Variants in ATR observed in about 807,000 individuals in gnomAD.
ATR encodes serine/threonine-protein kinase ATR.
A neutral mutation model predicts 305.3 loss-of-function variants in ATR; 142 were observed. That is an observed-to-expected ratio of 0.47 (90% CI 0.41 to 0.53). The LOEUF (loss-of-function observed/expected upper bound fraction) is 0.53. Among genes scored for constraint, ATR ranks in the 20% least tolerant of loss-of-function variants. ATR has a pLI of 0.00. For missense variants in ATR, 2,135 were observed against 3,133.1 expected, an observed-to-expected ratio of 0.68 and a Z score of 7.60; for synonymous variants, 1,050 against 1,068.1, an observed-to-expected ratio of 0.98 and a Z score of 0.33.
chr3:142,536,003 T>C (rs868623767), intron 20 of ATR, 105 bp downstream of exon 20: 18 of 816,356 alleles, frequency 2.2e-5, no homozygotes, highest in African/African-American at 1.5e-4. Context: ...AATAGGACTA[T>C]ATTATCCCTA....
At chr3:142,515,791 C>A (rs534407672) in intron 24 of ATR, among the ~76,000 whole-genome samples, 1 of 152,260 alleles carries the variant, frequency 6.6e-6, no homozygotes, top group African/African-American at 2.4e-5. Context: ...TCAAGCCACC[C>A]AGGTATACTA....
At position 142,550,193 on chromosome 3, in the gene ATR, A is replaced by C; in HGVS notation, c.2915T>G (p.Leu972Ter). The part of the protein sequence containing the change: ...QDVAHQREMA[L>*]NTLSEIANVF... ...GTTGGCAATTTCAGACAACGTATTT[A>C]AAGCCATTTCTCTCTGGTGAGCCAC... The change falls in exon 14 of 47, where the codon TTA becomes TGA. Residue 972 changes from leucine to a stop codon, truncating the protein, a stop_gained. Transcript: ENST00000350721. LOFTEE classifies it high-confidence loss of function. The C allele has an allele frequency of 6.2e-7, 1 of 1,614,200 alleles. No homozygotes were observed. Among genetic ancestry groups the C allele is most frequent in the Non-Finnish European group, 8.5e-7 (1 of 1,180,022 alleles).
intron 28 of ATR, 125 bp from the exon 29 acceptor site, chr3:142,505,428 A>T: frequency 8.7e-7 from 1 of 1,155,014 alleles, no homozygotes; most frequent in Non-Finnish European, 1.2e-6. Flanking sequence ...AAGTAATAGT[A>T]AGCATTTGTT....
intron 39 of ATR, among the ~76,000 whole-genome samples, chr3:142,467,631 T>C (rs991212633): frequency 6.6e-6 from 1 of 152,184 alleles, no homozygotes; most frequent in Non-Finnish European, 1.5e-5. Context: ...TATATTTTTA[T>C]GGCTTATTTC....
intron 33 of ATR, 87 bp downstream of exon 33, chr3:142,496,926 A>T: frequency 6.9e-7 from 1 of 1,438,886 alleles, no homozygotes. Flanking sequence ...TTCAGACAGA[A>T]AATTAAGAAA....
chr3:142,510,188 T>C (rs188936894), intron 27 of ATR, among the ~76,000 whole-genome samples: 4 of 152,018 alleles, frequency 2.6e-5, no homozygotes, highest in East Asian at 3.9e-4. Context: ...CAGTACCATT[T>C]TGACATGCAG....
rs539100929 is a variant in ATR, at chr3:142,475,328, T to A, written c.6222-5145A>T. On this transcript the variant is annotated intron_variant, in intron 36 of 46. Transcript: ENST00000350721. Reference sequence around the variant, plus strand: ...GTGTTCTCATTGTTCAATTCCCAGCTATGAATGAGAACATGCGGTGTTTGG... The same window carrying A: ...GTGTTCTCATTGTTCAATTCCCAGCAATGAATGAGAACATGCGGTGTTTGG... 1.6e-3 allele frequency among the ~76,000 whole-genome samples: 239 copies of A among 152,228 alleles called. 2 individuals carry two copies. Among genetic ancestry groups the A allele is most frequent in the Non-Finnish European group, 2.9e-3 (199 of 68,028 alleles).
intron 30 of ATR, among the ~76,000 whole-genome samples, chr3:142,501,217 A>G (rs530374580): frequency 6.6e-6 from 1 of 152,324 alleles, no homozygotes; most frequent in East Asian, 1.9e-4. Context: ...CCAGACCCAA[A>G]GAGAAGAAAA....
chr3:142,504,067 A>G (rs1248242380), intron 29 of ATR, among the ~76,000 whole-genome samples: 1 of 152,244 alleles, frequency 6.6e-6, no homozygotes, highest in Non-Finnish European at 1.5e-5. Context: ...GAATTTATAT[A>G]TTGTGCTTCT....
At chr3:142,478,316 T>C (rs1452430721) in intron 36 of ATR, among the ~76,000 whole-genome samples, 1 of 152,128 alleles carries the variant, frequency 6.6e-6, no homozygotes. Context: ...TTTCAAAGAA[T>C]ATCTTTATTT....
chr3:142,566,833 T>C (rs2035091970), intron 2 of ATR, among the ~76,000 whole-genome samples: 1 of 151,776 alleles, frequency 6.6e-6, no homozygotes, highest in Non-Finnish European at 1.5e-5. Flanking sequence ...AACCTGTGCC[T>C]CCGGGGTACA....
chr3:142,519,925 T>C, intron 23 of ATR, 141 bp from the exon 24 acceptor site: 1 of 708,576 alleles, frequency 1.4e-6, no homozygotes, highest in South Asian at 1.7e-5. Context: ...GCTTCATGGA[T>C]GCTGTTTTTT....
chr3:142,576,190 G>A (rs1368288704), intron 1 of ATR, among the ~76,000 whole-genome samples: 1 of 152,096 alleles, frequency 6.6e-6, no homozygotes, highest in African/African-American at 2.4e-5. Context: ...TAAGCGACAA[G>A]GGAAAAAAAC....
chr3:142,525,680 G>A (rs1034656625), intron 21 of ATR, among the ~76,000 whole-genome samples: 8 of 152,140 alleles, frequency 5.3e-5, no homozygotes, highest in Non-Finnish European at 1.0e-4. Context: ...TAATAAGTGA[G>A]TTCTTTCTCT....
chr3:142,475,587 A>T (rs1227094592), intron 36 of ATR, among the ~76,000 whole-genome samples: 1 of 152,210 alleles, frequency 6.6e-6, no homozygotes, highest in Non-Finnish European at 1.5e-5. Flanking sequence ...TAGCAGCATG[A>T]TTTATATTCC....
chr3:142,519,794 C>G lies in ATR; in HGVS notation c.4267-10G>C. 6.5e-7 allele frequency: 1 copy of G among 1,546,508 alleles called. No homozygotes were observed. The highest frequency in any genetic ancestry group is 8.9e-7 in the Non-Finnish European group (1 of 1,118,508). ...AAATAGAAAGCAACTCCTACAAATA[C>G]ATATTTTACATTTGTAAGTCCACAG... On this transcript the variant is annotated splice_polypyrimidine_tract_variant and intron_variant, in intron 23 of 46. Coordinates refer to ENST00000350721, the MANE Select transcript of ATR (RefSeq NM_001184.4).
At position 142,562,790 on chromosome 3, in the gene ATR, A is replaced by G; in HGVS notation, c.612T>C (p.Phe204=). ...GAACCATTAATAAAGTGACTTCAAT[A>G]AATTCTAAATTTTGCATACTCATCA... ...LQLMSMQNLE[F]IEVTLLMVLT... Residue 204 remains phenylalanine, a synonymous_variant, in exon 4 of 47, where the codon TTT becomes TTC. Coordinates refer to ENST00000350721, the MANE Select transcript of ATR (RefSeq NM_001184.4). 6.2e-7 allele frequency: 1 copy of G among 1,606,736 alleles called. No homozygotes were observed. Among genetic ancestry groups the G allele is most frequent in the Non-Finnish European group, 8.5e-7 (1 of 1,176,970 alleles).
chr3:142,488,217 T>C (rs2031070964), intron 35 of ATR, among the ~76,000 whole-genome samples: 2 of 152,318 alleles, frequency 1.3e-5, no homozygotes, highest in South Asian at 4.1e-4. Flanking sequence ...GGTCCAATGG[T>C]CCTTTCCTAC....
At chr3:142,458,216 T>A (rs759587680) in intron 44 of ATR, among the ~76,000 whole-genome samples, 9 of 152,254 alleles carry the variant, frequency 5.9e-5, no homozygotes, top group Non-Finnish European at 1.2e-4. Context: ...TGTCATATAA[T>A]GAAGTCCAGT....
Sources: gnomAD v4.1 joint callset for allele counts (sites outside exome capture counted in the v4.1 genomes callset) on GRCh38, gnomAD v4.1.1 for gene constraint, MANE v1.5 for transcripts, NCBI Gene and HGNC (gene_info 2026-07-23, HGNC 2026-07-21) for gene names.